The following SNTG1 variants were observed in gnomAD, a reference collection of about 807,000 sequenced individuals.
The protein encoded by SNTG1 is gamma-1-syntrophin.
Under a neutral mutation model 74.7 loss-of-function variants are expected in SNTG1, and 39 were observed. The ratio of observed to expected loss-of-function variants is 0.52; its 90% CI spans 0.40 to 0.68. SNTG1 has a LOEUF of 0.68. Ranked by LOEUF, SNTG1 falls within the 30% of genes least tolerant of loss-of-function variation. The pLI is 0.00. For missense variants in SNTG1, 685 were observed against 609.5 expected (o/e 1.12, Z -1.30); for synonymous variants, 254 against 217.1 (o/e 1.17, Z -1.49).
At chr8:50,447,815 GAT>G (rs1339062173) in intron 5 of SNTG1, among the ~76,000 whole-genome samples, 1 of 152,184 alleles carries the variant, frequency 6.6e-6, no homozygotes, top group Non-Finnish European at 1.5e-5. Flanking sequence ...AAATAGAACA[GAT>G]AAAAGGGGAT....
intron 2 of SNTG1, among the ~76,000 whole-genome samples, chr8:50,263,527 A>T (rs142197680): frequency 2.0e-5 from 3 of 152,296 alleles, no homozygotes; most frequent in African/African-American, 7.2e-5. Flanking sequence ...ACAGAAAAAG[A>T]CATATAATGC....
chr8:50,634,181 T>C (rs900577), intron 13 of SNTG1, among the ~76,000 whole-genome samples: 53,288 of 152,066 alleles, frequency 0.35, 12,937 homozygotes, highest in African/African-American at 0.7. Flanking sequence ...GTTGTCAATA[T>C]ACCCCTAAAT....
At chr8:50,496,194 C>A (rs1367405773) in intron 8 of SNTG1, among the ~76,000 whole-genome samples, 1 of 152,102 alleles carries the variant, frequency 6.6e-6, no homozygotes, top group Non-Finnish European at 1.5e-5. Flanking sequence ...TGGGATGAGT[C>A]CAATATCTAA....
rs78873500 is a variant in SNTG1 at position 50,356,743 on chromosome 8, C to T, written c.-27-37469C>T. Among the ~76,000 whole-genome samples the T allele has an allele frequency of 1.2e-3, 176 of 152,282 alleles. 4 individuals carry two copies. In the East Asian group the frequency reaches 0.032, roughly 27 times the overall value. ...CCTAATTACCTCTTAAAGGCCCCAC[C>T]TCCCATTATATGGGCCATTCAGTTT... On this transcript the variant is annotated intron_variant, in intron 2 of 18. Coordinates refer to ENST00000642720, the MANE Select transcript of SNTG1 (RefSeq NM_018967.5).
intron 2 of SNTG1, among the ~76,000 whole-genome samples, chr8:50,334,399 C>G (rs2091069851): frequency 1.3e-5 from 2 of 151,916 alleles, no homozygotes. Context: ...TAACAAAAAC[C>G]ATAACAAAAG....
intron 2 of SNTG1, among the ~76,000 whole-genome samples, chr8:50,332,908 A>G (rs1018469362): frequency 8.5e-5 from 13 of 152,212 alleles, no homozygotes; most frequent in African/African-American, 3.1e-4. Flanking sequence ...CTTTGTTCTC[A>G]GAACCAATGT....
At position 50,247,202 on chromosome 8, in the gene SNTG1, A is replaced by G. The variant is rs181245121; in HGVS notation, c.-28+74567A>G. 5.9e-5 allele frequency among the ~76,000 whole-genome samples: 9 copies of G among 152,300 alleles called. No individual in the cohort carries two copies. The South Asian group carries it at 1.2e-3, about 21-fold the overall frequency. On this transcript the variant is annotated intron_variant, in intron 2 of 18. Transcript: ENST00000642720. ...ATGGTCTATTACTGCAGGCTTCATC[A>G]TGAACATTGTCTCATCCCTTCTTAT...
upstream of SNTG1, among the ~76,000 whole-genome samples, chr8:49,910,594 G>T (rs920132790): frequency 6.6e-6 from 1 of 152,208 alleles, no homozygotes; most frequent in Middle Eastern, 3.4e-3. Context: ...TGAGCCCTGG[G>T]TGACAGCACT....
intron 8 of SNTG1, among the ~76,000 whole-genome samples, chr8:50,476,762 A>G (rs1252902164): frequency 6.6e-6 from 1 of 152,128 alleles, no homozygotes; most frequent in East Asian, 1.9e-4. Context: ...CCTAGTACCT[A>G]GATCTTGGTA....
At chr8:50,226,398 C>T (rs1163961279) in intron 2 of SNTG1, among the ~76,000 whole-genome samples, 1 of 152,104 alleles carries the variant, frequency 6.6e-6, no homozygotes, top group Non-Finnish European at 1.5e-5. Flanking sequence ...TAAAGAATCT[C>T]TATTAAGATA....
chr8:50,089,560 GA>G (rs1297058078), intron 1 of SNTG1, among the ~76,000 whole-genome samples: 1 of 151,620 alleles, frequency 6.6e-6, no homozygotes, highest in Non-Finnish European at 1.5e-5. Flanking sequence ...AAATTTACAA[GA>G]AAAAAACAAA....
rs190605769 is a variant in SNTG1 at position 50,621,716 on chromosome 8, G to C, written c.849+30799G>C. Among the ~76,000 whole-genome samples, 20 of 152,268 alleles carry C rather than the reference G, an allele frequency of 1.3e-4. No individual in the cohort carries two copies. In the East Asian group the frequency reaches 3.1e-3, roughly 24 times the overall value. On this transcript the variant is annotated intron_variant, in intron 13 of 18. Transcript: ENST00000642720. ...ACAAGTCTATATGAGCCACTGATTT[G>C]TAGGTAATTCAGTACACATAGATAG...
chr8:50,097,171 C>A (rs1311774381), intron 1 of SNTG1, among the ~76,000 whole-genome samples: 1 of 151,974 alleles, frequency 6.6e-6, no homozygotes, highest in East Asian at 1.9e-4. Flanking sequence ...GCAGTTTCGT[C>A]GTGTTGGCCA....
At chr8:50,412,545 G>C (rs1057290692) in intron 4 of SNTG1, among the ~76,000 whole-genome samples, 1 of 152,124 alleles carries the variant, frequency 6.6e-6, no homozygotes, top group African/African-American at 2.4e-5. Context: ...CACATAGTAG[G>C]AGCTCAACAA....
chr8:50,196,695 G>A (rs775789426), intron 2 of SNTG1, among the ~76,000 whole-genome samples: 4 of 151,870 alleles, frequency 2.6e-5, no homozygotes, highest in Non-Finnish European at 5.9e-5. Context: ...GGTGGCTCAT[G>A]CTTGTAATCC....
chr8:50,234,408 C>T (rs754654637), intron 2 of SNTG1, among the ~76,000 whole-genome samples: 27 of 151,672 alleles, frequency 1.8e-4, no homozygotes, highest in Non-Finnish European at 2.8e-4. Context: ...AGGAGTAGTA[C>T]GAGGGAGTTG....
chr8:50,078,347 T>C (rs1256423393), intron 1 of SNTG1, among the ~76,000 whole-genome samples: 1 of 152,202 alleles, frequency 6.6e-6, no homozygotes, highest in East Asian at 1.9e-4. Context: ...TGAATCTATA[T>C]ATACATTTGC....
At chr8:50,084,677 C>G (rs1378509472) in intron 1 of SNTG1, among the ~76,000 whole-genome samples, 1 of 152,130 alleles carries the variant, frequency 6.6e-6, no homozygotes, top group Non-Finnish European at 1.5e-5. Flanking sequence ...TTAAATGTCT[C>G]TGAAAAAACT....
chr8:50,513,899 C>T (rs1462938939), intron 9 of SNTG1, among the ~76,000 whole-genome samples: 1 of 152,174 alleles, frequency 6.6e-6, no homozygotes, highest in African/African-American at 2.4e-5. Context: ...TCAGCTCACG[C>T]TCAGTGCACT....
Sources: allele counts gnomAD v4.1 joint callset (sites outside exome capture counted in the v4.1 genomes callset), GRCh38; gene constraint gnomAD v4.1.1; transcripts MANE v1.5; gene names NCBI Gene and HGNC (gene_info 2026-07-23, HGNC 2026-07-21).